The following CCDC150 variants were observed in gnomAD, a reference collection of about 807,000 sequenced individuals.
CCDC150 encodes the protein coiled-coil domain containing 150.
Under a neutral mutation model 156.5 loss-of-function variants are expected in CCDC150, and 151 were observed. That is an observed-to-expected ratio of 0.97 (90% CI 0.85 to 1.10). The LOEUF (loss-of-function observed/expected upper bound fraction) is 1.10. Ranked by LOEUF, CCDC150 falls within the 50% of genes least tolerant of loss-of-function variation. CCDC150 has a pLI of 0.00. For synonymous variants in CCDC150, 452 were observed against 429.4 expected (o/e 1.05, Z -0.65); for missense variants, 1,312 against 1,268.1 (o/e 1.03, Z -0.53).
intron 14 of CCDC150, among the ~76,000 whole-genome samples, chr2:196,698,537 C>G (rs1695967287): frequency 6.6e-6 from 1 of 152,114 alleles, no homozygotes; most frequent in Admixed American, 6.5e-5. Context: ...TTCCCCATTT[C>G]AAGAAGATAG....
chr2:196,660,205 T>A (rs1319172524), intron 5 of CCDC150, among the ~76,000 whole-genome samples: 1 of 152,224 alleles, frequency 6.6e-6, no homozygotes, highest in Non-Finnish European at 1.5e-5. Flanking sequence ...GTTTATCCAT[T>A]CACCTATTGA....
intron 13 of CCDC150, among the ~76,000 whole-genome samples, chr2:196,680,350 G>A (rs1694741955): frequency 6.6e-6 from 1 of 151,974 alleles, no homozygotes; most frequent in African/African-American, 2.4e-5. Flanking sequence ...AGGCTGCAGG[G>A]CGGTGACACA....
intron 14 of CCDC150, among the ~76,000 whole-genome samples, chr2:196,696,449 A>G (rs1695836340): frequency 6.6e-6 from 1 of 152,140 alleles, no homozygotes; most frequent in Non-Finnish European, 1.5e-5. Context: ...CCTTTGGGAG[A>G]CCACATTCTC....
rs933955244 is a variant in CCDC150 at position 196,721,686 on chromosome 2, C to T, written c.2424C>T (p.Thr808=). 6.3e-7 allele frequency: 1 copy of T among 1,592,606 alleles called. No individual in the cohort carries two copies. Among genetic ancestry groups the T allele is most frequent in the African/African-American group, 1.3e-5 (1 of 74,446 alleles). Residue 808 remains threonine (T), a synonymous_variant, in exon 21 of 28, where the codon ACC becomes ACT. Coordinates refer to ENST00000389175, the MANE Select transcript of CCDC150 (RefSeq NM_001080539.2). Reference sequence around the variant, plus strand: ...AACTTGAGCGACAGAATTTGGAAACCTTCAAGTAAGAGCATTATAGTTGCA... The same window carrying T: ...AACTTGAGCGACAGAATTTGGAAACTTTCAAGTAAGAGCATTATAGTTGCA... ...SKELERQNLE[T]FKDRMTEESK...
chr2:196,668,583 T>C (rs1039279891), intron 7 of CCDC150, among the ~76,000 whole-genome samples: 1 of 152,200 alleles, frequency 6.6e-6, no homozygotes, highest in African/African-American at 2.4e-5. Flanking sequence ...TATTGAATTA[T>C]AGACTTGACA....
At chr2:196,684,142 C>G (rs533500676) in intron 13 of CCDC150, among the ~76,000 whole-genome samples, 134 of 152,076 alleles carry the variant, frequency 8.8e-4, no homozygotes, top group African/African-American at 2.8e-3. Flanking sequence ...TGAACCTATT[C>G]TGGTTCAGGG....
At chr2:196,673,664 G>A (rs1694334660) in intron 9 of CCDC150, among the ~76,000 whole-genome samples, 1 of 151,964 alleles carries the variant, frequency 6.6e-6, no homozygotes, top group South Asian at 2.1e-4. Flanking sequence ...ACTGATAATT[G>A]AGATAAATGT....
intron 4 of CCDC150, 74 bp downstream of exon 4, chr2:196,657,210 C>A: frequency 7.0e-7 from 1 of 1,419,186 alleles, no homozygotes; most frequent in Non-Finnish European, 9.7e-7. Context: ...ACCTATGACG[C>A]GACTTTTAAA....
chr2:196,678,669 G>A (rs1355875671), intron 13 of CCDC150, among the ~76,000 whole-genome samples: 1 of 152,156 alleles, frequency 6.6e-6, no homozygotes, highest in Admixed American at 6.5e-5. Flanking sequence ...TTGGGAGGCT[G>A]AGGCAGGCAG....
At position 196,712,679 on chromosome 2, in the gene CCDC150, A is replaced by G; in HGVS notation, c.1806A>G (p.Ala602=). The change falls in exon 17 of 28, where the codon GCA becomes GCG. Residue 602 remains alanine (A), a splice_region_variant and synonymous_variant. Transcript: ENST00000389175. ...TATCTTTGTTTTTTGAATTAAAGGC[A>G]AACTCAGAACTCAGTGCCAAGAGGG... The part of the protein sequence containing the change: ...NKYLQTKYAQ[A]NSELSAKRVH... 1 of 1,608,898 alleles carries G rather than the reference A, an allele frequency of 6.2e-7. No homozygotes were observed. The highest frequency in any genetic ancestry group is 8.5e-7 in the Non-Finnish European group (1 of 1,177,424).
At position 196,657,078 on chromosome 2, in the gene CCDC150, A is replaced by T; in HGVS notation, c.518A>T (p.Lys173Met). The change falls in exon 4 of 28, where the codon AAG (lysine) becomes ATG (methionine). Residue 173 changes from lysine to methionine, a missense_variant. Physicochemically the swap from Lys to Met is moderately conservative, Grantham distance 95. Transcript: ENST00000389175. The part of the protein sequence containing the change: ...QLRAVKEEED[K>M]AQDEVQRLTA... Reference sequence around the variant, plus strand: ...AGAGCTGTAAAAGAGGAAGAAGACAAGGCACAAGATGAGGTGCAAAGGTTG... The same window carrying T: ...AGAGCTGTAAAAGAGGAAGAAGACATGGCACAAGATGAGGTGCAAAGGTTG... 6.2e-7 allele frequency: 1 copy of T among 1,613,878 alleles called. No individual in the cohort carries two copies. The highest frequency in any genetic ancestry group is 8.5e-7 in the Non-Finnish European group (1 of 1,179,772).
chr2:196,710,273 A>T (rs1022666283), intron 15 of CCDC150, among the ~76,000 whole-genome samples: 1 of 152,210 alleles, frequency 6.6e-6, no homozygotes, highest in Non-Finnish European at 1.5e-5. Flanking sequence ...GTTAGCAGTG[A>T]GCAAGGCTCC....
At chr2:196,714,157 T>A (rs1464194601) in intron 17 of CCDC150, among the ~76,000 whole-genome samples, 1 of 152,222 alleles carries the variant, frequency 6.6e-6, no homozygotes, top group Non-Finnish European at 1.5e-5. Flanking sequence ...TGAGTGTTAG[T>A]TGTCCAGGTC....
At position 196,711,881 on chromosome 2, in the gene CCDC150, G is replaced by GTCCA. The variant is rs200759974; in HGVS notation, c.1696-262_1696-259dup. Among the ~76,000 whole-genome samples, 972 of 152,174 alleles carry GTCCA rather than the reference G, an allele frequency of 6.4e-3. 3 individuals carry two copies. The highest frequency in any genetic ancestry group is 0.011 in the Non-Finnish European group (740 of 67,988). On this transcript the variant is annotated intron_variant, in intron 15 of 27. Coordinates refer to ENST00000389175, the MANE Select transcript of CCDC150 (RefSeq NM_001080539.2). ...TCTCACTGTTATATTCATGAGTCATGTCCATTTGGAGGCCTATAAGCACTA... is the reference window on the plus strand; with the variant it reads ...TCTCACTGTTATATTCATGAGTCATGTCCATCCATTTGGAGGCCTATAAGCACTA...
intron 13 of CCDC150, among the ~76,000 whole-genome samples, chr2:196,689,436 AGTT>A (rs1411670309): frequency 3.3e-5 from 5 of 150,040 alleles, no homozygotes; most frequent in African/African-American, 9.7e-5. Context: ...AGTGGTTTGT[AGTT>A]CTCCTTGAAG....
At chr2:196,648,063 A>G (rs959766368) in intron 2 of CCDC150, among the ~76,000 whole-genome samples, 1 of 152,068 alleles carries the variant, frequency 6.6e-6, no homozygotes, top group Non-Finnish European at 1.5e-5. Flanking sequence ...GGTTGTTTCT[A>G]TATCTTGGCT....
intron 2 of CCDC150, among the ~76,000 whole-genome samples, chr2:196,648,958 G>T (rs1208632360): frequency 6.6e-6 from 1 of 152,080 alleles, no homozygotes; most frequent in Non-Finnish European, 1.5e-5. Context: ...AAATGCATGG[G>T]TTTATTTCTG....
At chr2:196,700,500 A>G (rs763207871) in intron 14 of CCDC150, among the ~76,000 whole-genome samples, 10 of 152,204 alleles carry the variant, frequency 6.6e-5, no homozygotes, top group Non-Finnish European at 1.5e-4. Context: ...TCTGAGAACA[A>G]CAGGATATGA....
At chr2:196,712,654 T>G in intron 16 of CCDC150, 23 bp from the exon 17 acceptor site, 2 of 1,589,232 alleles carry the variant, frequency 1.3e-6, no homozygotes, top group Non-Finnish European at 1.7e-6. Context: ...GAGGAACAAG[T>G]ATCTTTGTTT....
Sources: allele counts gnomAD v4.1 joint callset (sites outside exome capture counted in the v4.1 genomes callset), GRCh38; gene constraint gnomAD v4.1.1; transcripts MANE v1.5; gene names NCBI Gene and HGNC (gene_info 2026-07-23, HGNC 2026-07-21).